VIPR2: variants seen among roughly 807,000 people sequenced by gnomAD.
VIPR2 encodes the protein vasoactive intestinal peptide receptor 2.
VIPR2 carries 48 observed loss-of-function variants against 58.0 expected under a neutral mutation model. That is an observed-to-expected ratio of 0.83 (90% CI 0.66 to 1.05). VIPR2 has a LOEUF of 1.05. Among genes scored for constraint, VIPR2 ranks in the 50% least tolerant of loss-of-function variants. The pLI is 0.00. For missense variants in VIPR2, 534 were observed against 558.0 expected (o/e 0.96, Z 0.43); for synonymous variants, 243 against 235.2 (o/e 1.03, Z -0.30).
intron 4 of VIPR2, among the ~76,000 whole-genome samples, chr7:159,091,241 A>C (rs1017697378): frequency 6.6e-6 from 1 of 152,264 alleles, no homozygotes; most frequent in African/African-American, 2.4e-5. Context: ...GGCTTTGCGC[A>C]TGAAGCAGAA....
intron 4 of VIPR2, among the ~76,000 whole-genome samples, chr7:159,102,121 A>C (rs1295094454): frequency 1.0e-5 from 1 of 97,898 alleles, no homozygotes; most frequent in Admixed American, 1.1e-4. Context: ...GAGATCCGAC[A>C]AGGCCGTTCC....
chr7:159,144,617 C>T, intron 1 of VIPR2, 104 bp downstream of exon 1: 1 of 1,388,722 alleles, frequency 7.2e-7, no homozygotes, highest in South Asian at 1.6e-5. Context: ...CGCCCGCGCT[C>T]CAGCACCCGG....
chr7:159,058,319 A>G (rs1855439664), intron 5 of VIPR2, among the ~76,000 whole-genome samples, 162 bp downstream of exon 5: 1 of 152,252 alleles, frequency 6.6e-6, no homozygotes, highest in Non-Finnish European at 1.5e-5. Flanking sequence ...GTATTTAAAT[A>G]AAAATGTAAA....
Position 159,085,136 on chromosome 7 carries a change from A to G in VIPR2, c.357+18621T>C, listed in dbSNP as rs79379039. 1.1e-3 allele frequency among the ~76,000 whole-genome samples: 175 copies of G among 152,340 alleles called. 1 individual carries two copies. The East Asian group carries it at 0.017, about 15-fold the overall frequency. ...ATCCTGGTGTGAAGCATCAGATTCTACAAGTCACTCCACTTAGGAGACTGT... is the reference window on the plus strand; with the variant it reads ...ATCCTGGTGTGAAGCATCAGATTCTGCAAGTCACTCCACTTAGGAGACTGT... On this transcript the variant is annotated intron_variant, in intron 4 of 12. Transcript: ENST00000262178.
chr7:159,102,039 T>G (rs1177740720), intron 4 of VIPR2, among the ~76,000 whole-genome samples: 2 of 118,982 alleles, frequency 1.7e-5, no homozygotes, highest in Non-Finnish European at 3.9e-5. Flanking sequence ...GTTCCTGTGA[T>G]AGTGAACGGG....
intron 4 of VIPR2, among the ~76,000 whole-genome samples, chr7:159,084,681 C>T (rs909194251): frequency 2.6e-5 from 4 of 152,278 alleles, no homozygotes; most frequent in East Asian, 1.9e-4. Context: ...TATGGGTCCC[C>T]GGAGCATGTG....
At chr7:159,077,396 G>A (rs1017730906) in intron 4 of VIPR2, among the ~76,000 whole-genome samples, 3 of 142,700 alleles carry the variant, frequency 2.1e-5, no homozygotes, top group African/African-American at 8.7e-5. Context: ...ACTACAGTGT[G>A]CCTGTTATCA....
intron 2 of VIPR2, among the ~76,000 whole-genome samples, chr7:159,136,101 G>A (rs1797211724): frequency 6.6e-6 from 1 of 152,198 alleles, no homozygotes; most frequent in Non-Finnish European, 1.5e-5. Context: ...CGGAAACTGG[G>A]TAAATTATAA....
At chr7:159,131,751 G>C (rs1036067716) in intron 2 of VIPR2, among the ~76,000 whole-genome samples, 1 of 152,178 alleles carries the variant, frequency 6.6e-6, no homozygotes, top group Non-Finnish European at 1.5e-5. Context: ...ATCACCAGAG[G>C]TGGCTTAAGC....
chr7:159,090,015 C>T (rs73169236), intron 4 of VIPR2, among the ~76,000 whole-genome samples: 24,823 of 111,234 alleles, frequency 0.22, 4,898 homozygotes, highest in African/African-American at 0.52. Flanking sequence ...GCTGGGATCA[C>T]GCACAGGGGC....
At chr7:159,112,959 T>G (rs1403306490) in intron 2 of VIPR2, among the ~76,000 whole-genome samples, 1 of 151,836 alleles carries the variant, frequency 6.6e-6, no homozygotes, top group African/African-American at 2.4e-5. Flanking sequence ...GGACCCCGAC[T>G]GTGTGAGCAG....
chr7:159,072,761 C>T (rs763386296), intron 4 of VIPR2, among the ~76,000 whole-genome samples: 31 of 152,162 alleles, frequency 2.0e-4, no homozygotes, highest in Admixed American at 7.2e-4. Flanking sequence ...TACAATAACC[C>T]ACTTTTTTGG....
intron 4 of VIPR2, among the ~76,000 whole-genome samples, chr7:159,088,504 G>C (rs1857306833): frequency 6.6e-6 from 1 of 152,118 alleles, no homozygotes; most frequent in African/African-American, 2.4e-5. Flanking sequence ...CCACACACAA[G>C]CTGCAGCACA....
At chr7:159,059,305 C>A (rs1003582210) in intron 4 of VIPR2, 1 of 471,350 alleles carries the variant, frequency 2.1e-6, no homozygotes, top group African/African-American at 2.0e-5. Context: ...CATCATCACT[C>A]GCCACTCCCA....
intron 3 of VIPR2, 135 bp from the exon 4 acceptor site, chr7:159,103,989 C>T: frequency 1.4e-6 from 1 of 739,384 alleles, no homozygotes; most frequent in Admixed American, 2.3e-5. Flanking sequence ...ACAGGACTGC[C>T]ACTCAAAAAA....
rs2129492641 is a variant in VIPR2 at position 159,030,563 on chromosome 7, G to A, written c.*53C>T. 2 of 1,474,428 alleles carry A rather than the reference G, an allele frequency of 1.4e-6. No individual in the cohort carries two copies. The highest frequency in any genetic ancestry group is 5.1e-5 in the East Asian group (2 of 38,850). The allele number at this position is 1,474,428 out of a possible 1,614,324, so 91.3% of individuals were successfully genotyped here. Reference sequence around the variant, plus strand: ...AGGAGGAAGCCGGCGTCTCAGCCCCGCAGAAGCCCCGAACCGTGGGCCTCC... The same window carrying A: ...AGGAGGAAGCCGGCGTCTCAGCCCCACAGAAGCCCCGAACCGTGGGCCTCC... On this transcript the variant is annotated 3_prime_UTR_variant, in exon 13 of 13. Coordinates refer to ENST00000262178, the MANE Select transcript of VIPR2 (RefSeq NM_003382.5).
intron 4 of VIPR2, among the ~76,000 whole-genome samples, chr7:159,079,302 C>T (rs1371424377): frequency 1.3e-5 from 2 of 152,146 alleles, no homozygotes; most frequent in African/African-American, 2.4e-5. Flanking sequence ...AACTAGAACA[C>T]AGGATTAAGA....
chr7:159,086,035 A>G (rs187577217), intron 4 of VIPR2, among the ~76,000 whole-genome samples: 8 of 152,360 alleles, frequency 5.3e-5, no homozygotes, highest in African/African-American at 1.9e-4. Flanking sequence ...TATTATACCA[A>G]AGCCATCAGT....
intron 4 of VIPR2, among the ~76,000 whole-genome samples, chr7:159,078,174 C>A (rs1856736826): frequency 6.6e-6 from 1 of 152,112 alleles, no homozygotes. Context: ...ATTGAAACTT[C>A]CCCCCCTCAT....
Sources: gnomAD v4.1 joint callset for allele counts (sites outside exome capture counted in the v4.1 genomes callset) on GRCh38, gnomAD v4.1.1 for gene constraint, MANE v1.5 for transcripts, NCBI Gene and HGNC (gene_info 2026-07-23, HGNC 2026-07-21) for gene names.